The following RNF144A variants were observed in gnomAD, a reference collection of about 807,000 sequenced individuals.
RNF144A encodes E3 ubiquitin-protein ligase RNF144A.
RNF144A carries 11 observed loss-of-function variants against 38.7 expected under a neutral mutation model. The ratio of observed to expected loss-of-function variants is 0.28; its 90% confidence interval spans 0.18 to 0.47. RNF144A has a LOEUF of 0.47. RNF144A is among the 20% of genes least tolerant of loss of function. RNF144A has a pLI of 0.99. For synonymous variants in RNF144A, 149 were observed against 143.9 expected (o/e 1.04, Z -0.25); for missense variants, 316 against 377.2 (o/e 0.84, Z 1.34).
At chr2:6,919,159 A>G (rs1664368159) in intron 1 of RNF144A, among the ~76,000 whole-genome samples, 2 of 151,998 alleles carry the variant, frequency 1.3e-5, no homozygotes, top group South Asian at 4.1e-4. Context: ...TTTGCAAGGG[A>G]GGGGGTGTCT....
intron 1 of RNF144A, among the ~76,000 whole-genome samples, chr2:6,924,444 A>G (rs919127401): frequency 3.3e-5 from 5 of 152,224 alleles, no homozygotes; most frequent in African/African-American, 1.2e-4. Flanking sequence ...GAGTCTGGTG[A>G]GGAAGCGATT....
At chr2:7,038,032 A>G (rs1358791879) in intron 8 of RNF144A, among the ~76,000 whole-genome samples, 1 of 152,260 alleles carries the variant, frequency 6.6e-6, no homozygotes, top group Non-Finnish European at 1.5e-5. Flanking sequence ...TTGACCAGCC[A>G]TGCCGCCTGA....
chr2:7,055,204 A>G (rs1390757588), intron 6 of RNF144A, among the ~76,000 whole-genome samples: 1 of 152,082 alleles, frequency 6.6e-6, no homozygotes, highest in Non-Finnish European at 1.5e-5. Flanking sequence ...TGATGGAATT[A>G]TTCAATCCTG....
At chr2:7,028,873 C>T (rs1170619299) in intron 7 of RNF144A, among the ~76,000 whole-genome samples, 1 of 152,164 alleles carries the variant, frequency 6.6e-6, no homozygotes, top group Non-Finnish European at 1.5e-5. Context: ...GCTGGGACCC[C>T]AGCCCCCAGC....
intron 5 of RNF144A, among the ~76,000 whole-genome samples, chr2:7,018,903 G>T (rs1045136147): frequency 6.6e-6 from 1 of 151,672 alleles, no homozygotes; most frequent in Admixed American, 6.6e-5. Context: ...AAAAAAAAAG[G>T]CAGAGGGCAG....
At chr2:6,963,924 C>T (rs563562354) in intron 2 of RNF144A, among the ~76,000 whole-genome samples, 8 of 152,106 alleles carry the variant, frequency 5.3e-5, no homozygotes, top group Non-Finnish European at 7.3e-5. Context: ...GGGAATGGGT[C>T]GACCTGGCCT....
chr2:6,926,426 G>A (rs1319375447), intron 1 of RNF144A, among the ~76,000 whole-genome samples: 2 of 152,242 alleles, frequency 1.3e-5, no homozygotes, highest in Non-Finnish European at 2.9e-5. Flanking sequence ...ACTGCCCCGT[G>A]CAGGGGTTGG....
chr2:6,960,044 A>C (rs1667242198), intron 2 of RNF144A, among the ~76,000 whole-genome samples: 1 of 152,222 alleles, frequency 6.6e-6, no homozygotes, highest in Non-Finnish European at 1.5e-5. Flanking sequence ...TCCAGCACTC[A>C]CATTCTGTGA....
At chr2:7,051,122 C>A (rs541310919) in intron 6 of RNF144A, among the ~76,000 whole-genome samples, 3 of 152,288 alleles carry the variant, frequency 2.0e-5, no homozygotes, top group African/African-American at 7.2e-5. Flanking sequence ...GGAGCTCCAC[C>A]CCCTGCAGGA....
At chr2:7,025,604 G>A (rs1453448421) in intron 7 of RNF144A, among the ~76,000 whole-genome samples, 1 of 152,082 alleles carries the variant, frequency 6.6e-6, no homozygotes, top group Non-Finnish European at 1.5e-5. Context: ...CCTGGGAGGC[G>A]CAGGTTGCAG....
At chr2:6,965,700 T>A (rs960034724) in intron 2 of RNF144A, among the ~76,000 whole-genome samples, 1 of 152,000 alleles carries the variant, frequency 6.6e-6, no homozygotes. Flanking sequence ...CCTTTCCAGG[T>A]GAATAAGGAA....
chr2:6,982,743 G>A (rs1020771195), intron 2 of RNF144A, among the ~76,000 whole-genome samples: 1 of 152,180 alleles, frequency 6.6e-6, no homozygotes, highest in Non-Finnish European at 1.5e-5. Flanking sequence ...GGGCCAGTGT[G>A]CTTTGGAGAA....
chr2:6,950,925 A>G (rs1666637607), intron 2 of RNF144A, among the ~76,000 whole-genome samples: 1 of 152,156 alleles, frequency 6.6e-6, no homozygotes, highest in South Asian at 2.1e-4. Flanking sequence ...GTTTGTTTCA[A>G]GTGTTAAAAA....
chr2:7,050,648 G>A (rs142013017), intron 6 of RNF144A, among the ~76,000 whole-genome samples: 4 of 152,182 alleles, frequency 2.6e-5, no homozygotes, highest in East Asian at 1.9e-4. Flanking sequence ...TTCCTGTGTC[G>A]TTAAATCCAA....
At chr2:7,039,393 AGATGGATG>A (rs1672899498) in intron 8 of RNF144A, among the ~76,000 whole-genome samples, 1 of 150,878 alleles carries the variant, frequency 6.6e-6, no homozygotes, top group East Asian at 2.0e-4. Context: ...TTAGATGGGT[AGATGGATG>A]GATGGATAGA....
chr2:6,980,263 C>G (rs974497057), intron 2 of RNF144A, among the ~76,000 whole-genome samples: 1 of 152,200 alleles, frequency 6.6e-6, no homozygotes, highest in Non-Finnish European at 1.5e-5. Context: ...CCAACAGCCC[C>G]CCAGAGTCTT....
At chr2:7,061,861 G>T (rs1287350397) in intron 6 of RNF144A, among the ~76,000 whole-genome samples, 1 of 152,144 alleles carries the variant, frequency 6.6e-6, no homozygotes, top group African/African-American at 2.4e-5. Flanking sequence ...ATAATATATT[G>T]TATGTATTGT....
In RNF144A at chr2:7,042,416, A is replaced by C; in HGVS notation, c.*2656A>C. 1 of 985,458 alleles carries C rather than the reference A, an allele frequency of 1.0e-6. No homozygotes were observed. Among genetic ancestry groups the C allele is most frequent in the Non-Finnish European group, 1.2e-6 (1 of 829,944 alleles). 61.0% of individuals were successfully genotyped at this position (985,458 alleles called of 1,614,324 possible). On this transcript the variant is annotated 3_prime_UTR_variant, in exon 9 of 9. Transcript: ENST00000320892. ...GCATTCACTCTTACAGATGGTGTTC[A>C]CTGCAAGCCCCAGAAGCATATGGCA...
At chr2:6,931,907 G>C (rs1558358695) in intron 1 of RNF144A, among the ~76,000 whole-genome samples, 1 of 152,210 alleles carries the variant, frequency 6.6e-6, no homozygotes, top group Non-Finnish European at 1.5e-5. Flanking sequence ...GTTGGATGGA[G>C]TATTCTTTAT....
Sources: allele counts gnomAD v4.1 joint callset (sites outside exome capture counted in the v4.1 genomes callset), GRCh38; gene constraint gnomAD v4.1.1; transcripts MANE v1.5; gene names NCBI Gene and HGNC (gene_info 2026-07-23, HGNC 2026-07-21).